The following SLC5A4 variants were observed in gnomAD, a reference collection of about 807,000 sequenced individuals.
The protein encoded by SLC5A4 is solute carrier family 5 member 4.
SLC5A4 carries 55 observed loss-of-function variants against 70.3 expected under a neutral mutation model. That is an observed-to-expected ratio of 0.78 (90% confidence interval 0.63 to 0.98). The LOEUF is 0.98. Ranked by LOEUF, SLC5A4 falls within the 50% of genes least tolerant of loss-of-function variation. SLC5A4 has a pLI of 0.00. For synonymous variants in SLC5A4, 268 were observed against 305.7 expected, an observed-to-expected ratio of 0.88 and a Z score of 1.29; for missense variants, 735 against 839.2, an observed-to-expected ratio of 0.88 and a Z score of 1.53.
chr22:32,240,899 G>A (rs184867934), intron 5 of SLC5A4, among the ~76,000 whole-genome samples: 7 of 152,332 alleles, frequency 4.6e-5, no homozygotes, highest in African/African-American at 1.7e-4. Flanking sequence ...TGAAATATGT[G>A]GGGAACACTT....
chr22:32,236,374 T>C (rs558958725), intron 7 of SLC5A4, among the ~76,000 whole-genome samples: 7 of 152,340 alleles, frequency 4.6e-5, no homozygotes, highest in African/African-American at 1.7e-4. Context: ...CCAACCTATA[T>C]TTGTGTATTA....
intron 1 of SLC5A4, 88 bp downstream of exon 1, chr22:32,255,107 G>C (rs1357506419): frequency 1.6e-6 from 2 of 1,234,200 alleles, no homozygotes; most frequent in East Asian, 2.3e-5. Context: ...TTTGTGAAAA[G>C]CTTTGTCACA....
chr22:32,262,439 G>A, the SLC5A4 span, among the ~76,000 whole-genome samples: 1 of 152,226 alleles, frequency 6.6e-6, no homozygotes, highest in Non-Finnish European at 1.5e-5. Flanking sequence ...ATGGCTAGCA[G>A]CTTCTAGTTA....
intron 11 of SLC5A4, among the ~76,000 whole-genome samples, chr22:32,227,300 G>A (rs753515240): frequency 6.6e-6 from 1 of 152,134 alleles, no homozygotes; most frequent in Non-Finnish European, 1.5e-5. Context: ...TGGGACGACT[G>A]CATCTTGGGT....
the SLC5A4 span, among the ~76,000 whole-genome samples, chr22:32,284,329 TAACA>T: frequency 6.6e-6 from 1 of 152,238 alleles, no homozygotes; most frequent in Non-Finnish European, 1.5e-5. Flanking sequence ...TATTGCCATA[TAACA>T]AACCACCCTA....
the SLC5A4 span, among the ~76,000 whole-genome samples, chr22:32,325,883 CCT>C: frequency 6.6e-6 from 1 of 152,216 alleles, no homozygotes; most frequent in Non-Finnish European, 1.5e-5. Context: ...ACAGCCAGCC[CCT>C]CTCGTCCAGG....
At chr22:32,273,290 T>C in the SLC5A4 span, 1 of 267,618 alleles carries the variant, frequency 3.7e-6, no homozygotes, top group Non-Finnish European at 7.4e-6. Context: ...GAGAAGATAA[T>C]CCAGACCTGT....
At chr22:32,301,135 GT>G in the SLC5A4 span, among the ~76,000 whole-genome samples, 4 of 152,108 alleles carry the variant, frequency 2.6e-5, no homozygotes, top group African/African-American at 9.7e-5. Context: ...GCTAATTTTT[GT>G]ATTTTTAGTA....
intron 7 of SLC5A4, among the ~76,000 whole-genome samples, chr22:32,235,612 A>T (rs764361560): frequency 1.3e-5 from 2 of 152,090 alleles, no homozygotes; most frequent in Non-Finnish European, 2.9e-5. Context: ...AAAAATTGGA[A>T]AGATAAGAAG....
chr22:32,308,060 C>G, the SLC5A4 span, among the ~76,000 whole-genome samples: 1 of 151,976 alleles, frequency 6.6e-6, no homozygotes, highest in Non-Finnish European at 1.5e-5. Flanking sequence ...GTCTGTTATT[C>G]CTTCCTTCCT....
chr22:32,272,345 T>C, the SLC5A4 span: 2 of 841,856 alleles, frequency 2.4e-6, no homozygotes, highest in South Asian at 1.4e-5. Context: ...GGCCACCTGG[T>C]GTCGGCCATC....
At chr22:32,308,073 T>TTACCTACC in the SLC5A4 span, among the ~76,000 whole-genome samples, 2 of 152,116 alleles carry the variant, frequency 1.3e-5, no homozygotes, top group African/African-American at 4.8e-5. Context: ...TCCTTCCTTC[T>TTACCTACC]TACCTACCTA....
At chr22:32,295,481 A>T in the SLC5A4 span, among the ~76,000 whole-genome samples, 769 of 110,770 alleles carry the variant, frequency 6.9e-3, 239 homozygotes, top group African/African-American at 0.023. Flanking sequence ...GTGTCTGTTC[A>T]TGTCCTTCGC....
At chr22:32,338,995 C>T in the SLC5A4 span, among the ~76,000 whole-genome samples, 173 of 152,296 alleles carry the variant, frequency 1.1e-3, no homozygotes, top group African/African-American at 4.0e-3. Flanking sequence ...AGTATAAATG[C>T]CCCGCTGTAG....
chr22:32,332,002 A>G, the SLC5A4 span, among the ~76,000 whole-genome samples: 1 of 151,736 alleles, frequency 6.6e-6, no homozygotes, highest in African/African-American at 2.4e-5. Context: ...GGGCCCAGAC[A>G]TCCTCCTTGG....
chr22:32,340,170 G>A, the SLC5A4 span, among the ~76,000 whole-genome samples: 3 of 152,142 alleles, frequency 2.0e-5, no homozygotes, highest in Admixed American at 1.3e-4. Flanking sequence ...CATAAAATGA[G>A]GCTCGGGATG....
upstream of SLC5A4, among the ~76,000 whole-genome samples, chr22:32,260,025 G>A (rs762593927): frequency 4.6e-5 from 7 of 152,234 alleles, no homozygotes; most frequent in Non-Finnish European, 8.8e-5. Context: ...GGCCCAGGAA[G>A]ATTGAGGCTA....
chr22:32,308,360 C>A, the SLC5A4 span, among the ~76,000 whole-genome samples: 2 of 152,230 alleles, frequency 1.3e-5, no homozygotes, highest in Non-Finnish European at 2.9e-5. Context: ...AAGGCAGCCA[C>A]GCCAGTGGAG....
intron 2 of SLC5A4, 63 bp downstream of exon 2, chr22:32,254,079 C>A: frequency 7.7e-7 from 1 of 1,300,994 alleles, no homozygotes; most frequent in Non-Finnish European, 1.1e-6. Context: ...CCGCACCCAG[C>A]CTACATTCAG....
Sources: gnomAD v4.1 joint callset for allele counts (sites outside exome capture counted in the v4.1 genomes callset) on GRCh38, gnomAD v4.1.1 for gene constraint, MANE v1.5 for transcripts, NCBI Gene and HGNC (gene_info 2026-07-23, HGNC 2026-07-21) for gene names.